UBA7: variants seen among roughly 807,000 people sequenced by gnomAD.
UBA7 encodes ubiquitin like modifier activating enzyme 7, also known as ubiquitin-like modifier-activating enzyme 7.
Under a neutral mutation model 113.0 loss-of-function variants are expected in UBA7, and 88 were observed. That is an observed-to-expected ratio of 0.78 (90% CI 0.66 to 0.93). UBA7 has a LOEUF of 0.93. Among genes scored for constraint, UBA7 ranks in the 40% least tolerant of loss-of-function variants. The pLI, the probability that UBA7 is intolerant of heterozygous loss-of-function variation, is 0.00. For missense variants in UBA7, 1,092 were observed against 1,266.4 expected, an observed-to-expected ratio of 0.86 and a Z score of 2.09; for synonymous variants, 459 against 513.0, an observed-to-expected ratio of 0.89 and a Z score of 1.42.
In UBA7 at chr3:49,810,360, G is replaced by A. The variant is rs781390167; in HGVS notation, c.1536C>T (p.Leu512=). 81 of 1,614,054 alleles carry A rather than the reference G, an allele frequency of 5.0e-5. No homozygotes were observed. The highest frequency in any genetic ancestry group is 6.4e-5 in the Non-Finnish European group (76 of 1,180,036). Residue 512 remains leucine (L), a synonymous_variant, in exon 13 of 24, where the codon CTC becomes CTT. Transcript: ENST00000333486. This position sits in a 1 kb window ranked among gnomAD's most constrained non-coding sequence, Gnocchi z 5.6. Reference sequence around the variant, plus strand: ...CTGTGGTGGGATCCAGTGGGTAGGTGAGCGGGATCACCTGTAAGTCTGGGT... The same window carrying A: ...CTGTGGTGGGATCCAGTGGGTAGGTAAGCGGGATCACCTGTAAGTCTGGGT... ...GLNPDLQVIP[L]TYPLDPTTEH...
Position 49,812,433 on chromosome 3 carries a change from A to G in UBA7, c.669T>C (p.Cys223=). 1 of 1,614,190 alleles carries G rather than the reference A, an allele frequency of 6.2e-7. No homozygotes were observed. Among genetic ancestry groups the G allele is most frequent in the South Asian group, 1.1e-5 (1 of 91,084 alleles). The change falls in exon 6 of 24, where the codon TGT becomes TGC. Residue 223 remains cysteine, a synonymous_variant. Coordinates refer to ENST00000333486, the MANE Select transcript of UBA7 (RefSeq NM_003335.3). Reference sequence around the variant, plus strand: ...CCCGCACGTGGATAGACCGGGGATCACAGTCGTTGAGCTCAACCATTCCCT... The same window carrying G: ...CCCGCACGTGGATAGACCGGGGATCGCAGTCGTTGAGCTCAACCATTCCCT... ...GIEGMVELND[C]DPRSIHVRED...
rs2081590464 is a variant in UBA7, at chr3:49,813,886, T to C, written c.-99A>G. ...GGGGCCAGTGCCCTGCTGTAGCCAG[T>C]GCAAACAGGAACCAAGGCCAAGCGA... On this transcript the variant is annotated 5_prime_UTR_variant, in exon 1 of 24. Coordinates refer to ENST00000333486, the MANE Select transcript of UBA7 (RefSeq NM_003335.3). 1 of 1,424,316 alleles carries C rather than the reference T, an allele frequency of 7.0e-7. No individual in the cohort carries two copies. Among genetic ancestry groups the C allele is most frequent in the Non-Finnish European group, 9.7e-7 (1 of 1,028,002 alleles). The allele number at this position is 1,424,316 out of a possible 1,614,324, so 88.2% of individuals were successfully genotyped here.
chr3:49,810,855 G>A lies in UBA7; in HGVS notation c.1231-23C>T, dbSNP rs1575376151. ...TCTCTAGGGGACAGAGACGGGGTCA[G>A]TGATGGCTACTGGCCTGCATCTCCT... is the stretch of plus-strand genomic sequence containing the variant. On this transcript the variant is annotated intron_variant, in intron 10 of 23. Transcript: ENST00000333486. The surrounding 1 kb of genome is among the most constrained non-coding windows in gnomAD (Gnocchi z 5.6). 3 of 1,613,986 alleles carry A rather than the reference G, an allele frequency of 1.9e-6. No individual in the cohort carries two copies. Among genetic ancestry groups the A allele is most frequent in the South Asian group, 1.1e-5 (1 of 91,084 alleles).
intron 9 of UBA7, 21 bp from the exon 10 acceptor site, chr3:49,811,112 T>C (rs2081538059): frequency 6.2e-7 from 1 of 1,612,256 alleles, no homozygotes; most frequent in Non-Finnish European, 8.5e-7. Flanking sequence ...CACTTCAGGC[T>C]GGGCACTCCT....
Position 49,811,467 on chromosome 3 carries a change from A to G in UBA7, c.940-12T>C, listed in dbSNP as rs2081546064. 6.4e-7 allele frequency: 1 copy of G among 1,560,372 alleles called. No individual in the cohort carries two copies. Among genetic ancestry groups the G allele is most frequent in the African/African-American group, 1.4e-5 (1 of 73,162 alleles). On this transcript the variant is annotated splice_polypyrimidine_tract_variant and intron_variant, in intron 8 of 23. Coordinates refer to ENST00000333486, the MANE Select transcript of UBA7 (RefSeq NM_003335.3). ...GTCTCTGCATCAACCTGTTGGTAGG[A>G]CTCTGTGGGCATAGTAGCCCCAGCC... is the stretch of plus-strand genomic sequence containing the variant.
Position 49,809,440 on chromosome 3 carries a change from A to G in UBA7, c.2113T>C (p.Trp705Arg), listed in dbSNP as rs376571074. The stretch of plus-strand genomic sequence containing the variant: ...TGGGGACACTGTTTGGGACCTGACC[A>G]GAAGGGAGTTCCATCCTCAAGCACC... ...NKVLEDGTPF[W>R]SGPKQCPQPL... The change falls in exon 17 of 24, where the codon TGG becomes CGG. Residue 705 changes from tryptophan (W) to arginine (R), a missense_variant. By Grantham distance (101) the Trp-to-Arg change is moderately radical (BLOSUM62 -3). Around this residue, in one of 3 missense-constraint regions of UBA7, gnomAD observed 500 missense variants for 529.3 expected, o/e 0.94. Coordinates refer to ENST00000333486, the MANE Select transcript of UBA7 (RefSeq NM_003335.3). The G allele has an allele frequency of 2.5e-6, 4 of 1,614,080 alleles. No individual in the cohort carries two copies. Among genetic ancestry groups the G allele is most frequent in the Non-Finnish European group, 3.4e-6 (4 of 1,180,036 alleles).
At position 49,805,988 on chromosome 3, in the gene UBA7, C is replaced by T. The variant is rs766603090; in HGVS notation, c.2818G>A (p.Gly940Arg). Residue 940 changes from glycine to arginine, a missense_variant, in exon 23 of 24, where the codon GGG becomes AGG. Gly to Arg is a moderately radical substitution (Grantham distance 125). This residue lies in a region of UBA7 where 500 missense variants were observed against 529.3 expected (regional missense o/e 0.94). Coordinates refer to ENST00000333486, the MANE Select transcript of UBA7 (RefSeq NM_003335.3). The part of the protein sequence containing the change: ...SLLAHLQEQH[G>R]LRVRILLHGS... ...TGCAGCAGGATCCTCACCCTCAACC[C>T]GTGCTGCTCCTAGAGGAGAAAGGTC... 29 of 1,566,190 alleles carry T rather than the reference C, an allele frequency of 1.9e-5. No individual in the cohort carries two copies. The highest frequency in any genetic ancestry group is 5.7e-5 in the Admixed American group (3 of 52,658).
At position 49,812,493 on chromosome 3, in the gene UBA7, G is replaced by A. The variant is rs1018179325; in HGVS notation, c.609C>T (p.Phe203=). ...TLRKGANTHY[F]RDGDLVTFSG... ...AGAAAGTCACCAAGTCTCCATCACG[G>A]AAGTAGTGGGTATTGGCCCCTTTCC... The change falls in exon 6 of 24, where the codon TTC becomes TTT. Residue 203 remains phenylalanine, a synonymous_variant. Coordinates refer to ENST00000333486, the MANE Select transcript of UBA7 (RefSeq NM_003335.3). 2.1e-5 allele frequency: 34 copies of A among 1,614,090 alleles called. No individual in the cohort carries two copies. Among genetic ancestry groups the A allele is most frequent in the Non-Finnish European group, 2.6e-5 (31 of 1,180,050 alleles).
rs777971109 is a variant in UBA7, at chr3:49,808,046, C to T, written c.2497G>A (p.Gly833Arg). 77 of 1,613,992 alleles carry T rather than the reference C, an allele frequency of 4.8e-5. No homozygotes were observed. The highest frequency in any genetic ancestry group is 6.0e-5 in the Non-Finnish European group (71 of 1,180,008). ...TGGGCACGGTTGACCGGTGGAATCC[C>T]GTAGTTCTGACATCTCAGGCTAGCT... ...AAASLRCQNY[G>R]IPPVNRAQSK... is the part of the protein sequence containing the mutation. The change falls in exon 20 of 24, where the codon GGG (glycine) becomes AGG (arginine). Residue 833 changes from glycine (G) to arginine (R), a missense_variant. Transcript: ENST00000333486.
chr3:49,808,033 A>G lies in UBA7; in HGVS notation c.2510T>C (p.Val837Ala). 6.2e-7 allele frequency: 1 copy of G among 1,614,124 alleles called. No individual in the cohort carries two copies. The change falls in exon 20 of 24, where the codon GTC (valine) becomes GCC (alanine). Residue 837 changes from valine to alanine, a missense_variant. By Grantham distance (64) the Val-to-Ala change is moderately conservative. Transcript: ENST00000333486. The stretch of plus-strand genomic sequence containing the variant: ...GGGTGGGGTTACCTGGGCACGGTTG[A>G]CCGGTGGAATCCCGTAGTTCTGACA... Reference protein sequence around the residue: ...LRCQNYGIPPVNRAQSKRIVG... With the variant: ...LRCQNYGIPPANRAQSKRIVG...
rs2108299130 is a variant in UBA7 at position 49,807,457 on chromosome 3, G to A, written c.2715+279C>T. On this transcript the variant is annotated intron_variant, in intron 21 of 23. Transcript: ENST00000333486. The surrounding 1 kb of genome is among the most constrained non-coding windows in gnomAD (Gnocchi z 4.0). Reference sequence around the variant, plus strand: ...CTCAGGGGTACTCCAAGGAAGGAGGGGACTGTGGGGGATGTCTGGCTCCAC... The same window carrying A: ...CTCAGGGGTACTCCAAGGAAGGAGGAGACTGTGGGGGATGTCTGGCTCCAC... Among the ~76,000 whole-genome samples the A allele has an allele frequency of 6.6e-6, 1 of 152,284 alleles. No homozygotes were observed. The highest frequency in any genetic ancestry group is 2.1e-4 in the South Asian group (1 of 4,824).
rs764591913 is a variant in UBA7 at position 49,811,404 on chromosome 3, G to T, written c.991C>A (p.Arg331=). The change falls in exon 9 of 24, where the codon CGG becomes AGG. Residue 331 remains arginine (R), a synonymous_variant. Coordinates refer to ENST00000333486, the MANE Select transcript of UBA7 (RefSeq NM_003335.3). The part of the protein sequence containing the change: ...GLARDLEPLK[R]TEEEPLEEPL... ...TCTTCCAGTGGCTCTTCCTCTGTCC[G>T]CTTCAGTGGTTCCAGGTCCCGGGCC... The T allele has an allele frequency of 6.2e-7, 1 of 1,609,770 alleles. No homozygotes were observed. The highest frequency in any genetic ancestry group is 1.7e-5 in the Admixed American group (1 of 59,296).
chr3:49,811,986 G>C lies in UBA7; in HGVS notation c.823C>G (p.His275Asp). 6.2e-7 allele frequency: 1 copy of C among 1,614,228 alleles called. No homozygotes were observed. Among genetic ancestry groups the C allele is most frequent in the Non-Finnish European group, 8.5e-7 (1 of 1,180,030 alleles). ...KSLDTALLQP[H>D]VVAQSSQEVH... ...TCCTGGGAGCTCTGGGCCACCACAT[G>C]GGGCTGGAGCAGGGCTGTGTCCAGG... Residue 275 changes from histidine (H) to aspartate (D), a missense_variant, in exon 8 of 24, where the codon CAT becomes GAT. Physicochemically the swap from His to Asp is moderately conservative, Grantham distance 81 (BLOSUM62 -1). Around this residue, in one of 3 missense-constraint regions of UBA7, gnomAD observed 584 missense variants for 714.5 expected, o/e 0.82. Transcript: ENST00000333486.
At position 49,812,426 on chromosome 3, in the gene UBA7, G is replaced by T; in HGVS notation, c.676C>A (p.Arg226=). Residue 226 remains arginine, a synonymous_variant, in exon 6 of 24, where the codon CGG becomes AGG. Coordinates refer to ENST00000333486, the MANE Select transcript of UBA7 (RefSeq NM_003335.3). ...GMVELNDCDP[R]SIHVREDGSL... ...GGCTTACCCCGCACGTGGATAGACC[G>T]GGGATCACAGTCGTTGAGCTCAACC... The T allele has an allele frequency of 1.2e-6, 2 of 1,614,196 alleles. No homozygotes were observed. Among genetic ancestry groups the T allele is most frequent in the Admixed American group, 3.3e-5 (2 of 60,032 alleles).
Position 49,810,443 on chromosome 3 carries a change from G to C in UBA7, c.1468-15C>G. On this transcript the variant is annotated splice_polypyrimidine_tract_variant and intron_variant, in intron 12 of 23. Coordinates refer to ENST00000333486, the MANE Select transcript of UBA7 (RefSeq NM_003335.3). The surrounding 1 kb of genome is among the most constrained non-coding windows in gnomAD (Gnocchi z 5.6). ...GCCTTGGGTCTCTGGGAAGAAGGCAGGAAGATGTTGGGTGGGAAGCTGTAT... is the reference window on the plus strand; with the variant it reads ...GCCTTGGGTCTCTGGGAAGAAGGCACGAAGATGTTGGGTGGGAAGCTGTAT... 1 of 1,614,096 alleles carries C rather than the reference G, an allele frequency of 6.2e-7. No individual in the cohort carries two copies. The highest frequency in any genetic ancestry group is 8.5e-7 in the Non-Finnish European group (1 of 1,179,982).
At position 49,807,935 on chromosome 3, in the gene UBA7, G is replaced by A; in HGVS notation, c.2524-8C>T. 2 of 1,612,992 alleles carry A rather than the reference G, an allele frequency of 1.2e-6. No individual in the cohort carries two copies. Among genetic ancestry groups the A allele is most frequent in the Non-Finnish European group, 1.7e-6 (2 of 1,179,088 alleles). On this transcript the variant is annotated splice_polypyrimidine_tract_variant and splice_region_variant and intron_variant, in intron 20 of 23. Coordinates refer to ENST00000333486, the MANE Select transcript of UBA7 (RefSeq NM_003335.3). This position sits in a 1 kb window ranked among gnomAD's most constrained non-coding sequence, Gnocchi z 4.0. ...GCCCACAATTCGCTTGCTCTGCCAAGGACAAGAGATTTGGTCTGGGCCCAA... is the reference window on the plus strand; with the variant it reads ...GCCCACAATTCGCTTGCTCTGCCAAAGACAAGAGATTTGGTCTGGGCCCAA...
chr3:49,811,149 T>C (rs1314518749), intron 9 of UBA7, 58 bp from the exon 10 acceptor site: 2 of 1,605,532 alleles, frequency 1.2e-6, no homozygotes, highest in Non-Finnish European at 1.7e-6. Flanking sequence ...CCTCAGATCC[T>C]GGCTGGAGGC....
rs773224728 is a variant in UBA7 at position 49,807,833 on chromosome 3, C to T, written c.2618G>A (p.Ser873Asn). 1 of 1,614,170 alleles carries T rather than the reference C, an allele frequency of 6.2e-7. No individual in the cohort carries two copies. Among genetic ancestry groups the T allele is most frequent in the Non-Finnish European group, 8.5e-7 (1 of 1,180,012 alleles). Residue 873 changes from serine (S) to asparagine (N), a missense_variant, in exon 21 of 24, where the codon AGT becomes AAT. By Grantham distance (46) the Ser-to-Asn change is conservative. Around this residue, in one of 3 missense-constraint regions of UBA7, gnomAD observed 500 missense variants for 529.3 expected, o/e 0.94. Transcript: ENST00000333486. The surrounding 1 kb of genome is among the most constrained non-coding windows in gnomAD (Gnocchi z 4.0). ...LLGLELYKVV[S>N]GPRPRSAFRH... ...AAAGGCACTACGAGGCCGTGGCCCA[C>T]TCACCACCTTATACAGCTCCAGGCC... is the stretch of plus-strand genomic sequence containing the variant.
At position 49,810,645 on chromosome 3, in the gene UBA7, G is replaced by T. The variant is rs2081529912; in HGVS notation, c.1339C>A (p.Leu447Met). The T allele has an allele frequency of 1.2e-6, 2 of 1,614,128 alleles. No individual in the cohort carries two copies. Among genetic ancestry groups the T allele is most frequent in the Non-Finnish European group, 1.7e-6 (2 of 1,179,998 alleles). Residue 447 changes from leucine (L) to methionine (M), a missense_variant, in exon 12 of 24, where the codon CTG becomes ATG. Leu to Met is a conservative substitution (Grantham distance 15). This residue lies in a region of UBA7 where 584 missense variants were observed against 714.5 expected (regional missense o/e 0.82). Coordinates refer to ENST00000333486, the MANE Select transcript of UBA7 (RefSeq NM_003335.3). This position sits in a 1 kb window ranked among gnomAD's most constrained non-coding sequence, Gnocchi z 5.6. ...LVGAGAIGCE[L>M]LKVFALVGLG... ...CCCACTAGGGCAAAGACTTTGAGCA[G>T]CTCACAACCAATGGCACCAGCGCCC...
Sources: allele counts gnomAD v4.1 joint callset (sites outside exome capture counted in the v4.1 genomes callset), GRCh38; gene constraint gnomAD v4.1.1; regional missense constraint gnomAD v4.1.1; non-coding constraint Gnocchi (gnomAD v3.1); transcripts MANE v1.5; gene names NCBI Gene and HGNC (gene_info 2026-07-23, HGNC 2026-07-21).